Variants in AGTPBP1 observed in about 807,000 individuals in gnomAD.
AGTPBP1 encodes the protein cytosolic carboxypeptidase 1.
A neutral mutation model predicts 143.9 loss-of-function variants in AGTPBP1; 70 were observed. The observed-to-expected ratio is 0.49, with a 90% CI of 0.40 to 0.59. The LOEUF is 0.59. Ranked by LOEUF, AGTPBP1 falls within the 20% of genes least tolerant of loss-of-function variation. The pLI, the probability that AGTPBP1 is intolerant of heterozygous loss-of-function variation, is 0.00. For synonymous variants in AGTPBP1, 463 were observed against 500.2 expected (o/e 0.93, Z 0.99); for missense variants, 1,229 against 1,464.5 (o/e 0.84, Z 2.62).
chr9:85,715,996 C>T (rs1480337886), intron 1 of AGTPBP1, among the ~76,000 whole-genome samples: 6 of 152,058 alleles, frequency 3.9e-5, no homozygotes, highest in Non-Finnish European at 8.8e-5. Flanking sequence ...CTTTCTCGCT[C>T]CCAATTCAGC....
chr9:85,548,016 C>A (rs546124788), intron 25 of AGTPBP1, among the ~76,000 whole-genome samples: 4 of 151,968 alleles, frequency 2.6e-5, no homozygotes, highest in East Asian at 1.9e-4. Flanking sequence ...GAGATTTACA[C>A]CCCCCCACAC....
the AGTPBP1 span, chr9:85,793,430 C>G: frequency 1.1e-4 from 16 of 152,214 alleles, no homozygotes; most frequent in East Asian, 3.1e-3. Context: ...CCACAGTGGT[C>G]TCTCCTTCAT....
chr9:85,797,916 G>C, the AGTPBP1 span, among the ~76,000 whole-genome samples: 1 of 151,822 alleles, frequency 6.6e-6, no homozygotes, highest in Admixed American at 6.6e-5. Flanking sequence ...TTTTTGAGAC[G>C]GACTCTCACT....
intron 12 of AGTPBP1, 100 bp downstream of exon 12, chr9:85,646,221 T>A (rs1013354125): frequency 2.6e-6 from 2 of 766,868 alleles, no homozygotes; most frequent in African/African-American, 3.5e-5. Context: ...GTGGACAAAG[T>A]AAAACCTAAA....
At chr9:85,753,335 A>C in the AGTPBP1 span, 1 of 1,613,984 alleles carries the variant, frequency 6.2e-7, no homozygotes, top group South Asian at 1.1e-5. Context: ...GACAGGAAGA[A>C]GGTCTAAAAC....
chr9:85,595,360 G>A (rs1295000760), intron 18 of AGTPBP1, among the ~76,000 whole-genome samples: 1 of 152,126 alleles, frequency 6.6e-6, no homozygotes, highest in East Asian at 1.9e-4. Context: ...AAATAAACAA[G>A]GGTGCCAAGT....
chr9:85,678,588 G>A (rs1834978825), intron 4 of AGTPBP1, among the ~76,000 whole-genome samples, 190 bp from the exon 5 acceptor site: 1 of 152,036 alleles, frequency 6.6e-6, no homozygotes, highest in Admixed American at 6.6e-5. Context: ...AAATCATTTT[G>A]AGTTATTACT....
rs116154199 is a variant in AGTPBP1 at position 85,547,358 on chromosome 9, A to G, written c.3504-72T>C. On this transcript the variant is annotated intron_variant, in intron 25 of 25. Transcript: ENST00000357081. ...GGTCCTAATATAAGATTATTTCACCATACTGGACTAACTTTGATTCCAATA... is the reference window on the plus strand; with the variant it reads ...GGTCCTAATATAAGATTATTTCACCGTACTGGACTAACTTTGATTCCAATA... 2,784 of 1,275,820 alleles carry G rather than the reference A, an allele frequency of 2.2e-3. 47 individuals are homozygous for G. In the African/African-American group the frequency reaches 0.038, roughly 17 times the overall value. The allele number at this position is 1,275,820 out of a possible 1,614,324, so 79.0% of individuals were successfully genotyped here.
intron 25 of AGTPBP1, among the ~76,000 whole-genome samples, chr9:85,561,763 T>C (rs1473183867): frequency 6.6e-6 from 1 of 151,914 alleles, no homozygotes; most frequent in African/African-American, 2.4e-5. Context: ...ACAGATACGT[T>C]GAGGGGGGTT....
the AGTPBP1 span, among the ~76,000 whole-genome samples, chr9:85,801,197 A>T: frequency 6.6e-6 from 1 of 152,082 alleles, no homozygotes; most frequent in African/African-American, 2.4e-5. Context: ...CTGTAGTCCC[A>T]GCTACTCGGG....
Position 85,633,315 on chromosome 9 carries a change from A to T in AGTPBP1, c.1362T>A (p.Gly454=). 1 of 1,603,490 alleles carries T rather than the reference A, an allele frequency of 6.2e-7. No homozygotes were observed. Among genetic ancestry groups the T allele is most frequent in the Non-Finnish European group, 8.5e-7 (1 of 1,177,378 alleles). The part of the protein sequence containing the change: ...KPFVFEGKVR[G]PIVVPTAGEE... The stretch of plus-strand genomic sequence containing the variant: ...CGCCTGCCGTAGGAACAACAATAGG[A>T]CCACGTACTTTTCCCTCAAATACAA... Residue 454 remains glycine, a synonymous_variant, in exon 14 of 26, where the codon GGT becomes GGA. Transcript: ENST00000357081.
chr9:85,763,713 A>T, the AGTPBP1 span, among the ~76,000 whole-genome samples: 3 of 152,178 alleles, frequency 2.0e-5, no homozygotes, highest in Non-Finnish European at 4.4e-5. Flanking sequence ...TCTAAAATTG[A>T]TAATGCCATT....
At position 85,633,034 on chromosome 9, in the gene AGTPBP1, G is replaced by A. The variant is rs1322058489; in HGVS notation, c.1643C>T (p.Pro548Leu). Residue 548 changes from proline (P) to leucine (L), a missense_variant, in exon 14 of 26, where the codon CCA becomes CTA. Coordinates refer to ENST00000357081, the MANE Select transcript of AGTPBP1 (RefSeq NM_001330701.2). ...TLQNIPSQTAPGFTAEMKKDC... is the reference protein window; with the variant it reads ...TLQNIPSQTALGFTAEMKKDC... ...CTTCTTCATTTCTGCAGTAAAACCT[G>A]GGGCTGTTTGAGAAGGAATATTCTG... The A allele has an allele frequency of 1.2e-6, 2 of 1,614,116 alleles. No individual in the cohort carries two copies. The highest frequency in any genetic ancestry group is 1.7e-6 in the Non-Finnish European group (2 of 1,180,020).
chr9:85,713,493 T>C (rs1264338828), intron 1 of AGTPBP1, among the ~76,000 whole-genome samples: 7 of 152,232 alleles, frequency 4.6e-5, no homozygotes, highest in South Asian at 2.1e-4. Context: ...ATCGTACCAT[T>C]GTACTCCAGC....
chr9:85,686,519 A>G (rs1050021540), intron 3 of AGTPBP1, among the ~76,000 whole-genome samples: 10 of 152,146 alleles, frequency 6.6e-5, no homozygotes, highest in Admixed American at 3.9e-4. Context: ...TCCTTCTAAG[A>G]AAACTTAATT....
chr9:85,567,831 A>G (rs1827207096), intron 25 of AGTPBP1, among the ~76,000 whole-genome samples: 1 of 152,230 alleles, frequency 6.6e-6, no homozygotes, highest in African/African-American at 2.4e-5. Flanking sequence ...GGAATTCTAG[A>G]AGAACAGAAT....
At chr9:85,550,093 C>T (rs140826254) in intron 25 of AGTPBP1, among the ~76,000 whole-genome samples, 11 of 152,168 alleles carry the variant, frequency 7.2e-5, no homozygotes, top group African/African-American at 2.7e-4. Flanking sequence ...CCAGTGCTAG[C>T]TCGGGCACAT....
At chr9:85,667,894 A>T (rs968557002) in intron 8 of AGTPBP1, among the ~76,000 whole-genome samples, 1 of 145,428 alleles carries the variant, frequency 6.9e-6, no homozygotes, top group Non-Finnish European at 1.5e-5. Flanking sequence ...TGAACAAGCA[A>T]GCCAACTGTA....
chr9:85,666,970 T>C (rs1465780729), intron 8 of AGTPBP1, among the ~76,000 whole-genome samples: 3 of 152,072 alleles, frequency 2.0e-5, no homozygotes, highest in Non-Finnish European at 4.4e-5. Flanking sequence ...AACCTTATAA[T>C]AGAGATGCTA....
Sources: gnomAD v4.1 joint callset for allele counts (sites outside exome capture counted in the v4.1 genomes callset) on GRCh38, gnomAD v4.1.1 for gene constraint, MANE v1.5 for transcripts, NCBI Gene and HGNC (gene_info 2026-07-23, HGNC 2026-07-21) for gene names.